OXA1L: variants seen among roughly 807,000 people sequenced by gnomAD.
OXA1L encodes the protein OXA1L mitochondrial inner membrane insertase, also known as mitochondrial inner membrane protein OXA1L.
A neutral mutation model predicts 52.2 loss-of-function variants in OXA1L; 42 were observed. The observed-to-expected ratio is 0.80, with a 90% CI of 0.63 to 1.04. The LOEUF is 1.04. Ranked by LOEUF, OXA1L falls within the 50% of genes least tolerant of loss-of-function variation. OXA1L has a pLI of 0.00. For missense variants in OXA1L, 572 were observed against 555.0 expected (o/e 1.03, Z -0.31); for synonymous variants, 239 against 201.9 (o/e 1.18, Z -1.56).
In OXA1L at chr14:22,768,036, G is replaced by C. The variant is rs187639757; in HGVS notation, c.304G>C (p.Val102Leu). The C allele has an allele frequency of 1.2e-6, 2 of 1,614,238 alleles. No homozygotes were observed. The highest frequency in any genetic ancestry group is 1.7e-6 in the Non-Finnish European group (2 of 1,180,028). Residue 102 changes from valine to leucine, a missense_variant, in exon 3 of 10, where the codon GTA (valine) becomes CTA (leucine). Physicochemically the swap from Val to Leu is conservative, Grantham distance 32. Coordinates refer to ENST00000612549, the MANE Select transcript of OXA1L (RefSeq NM_005015.5). ...GGTGGCTTCTGGAGAGACTGCAGAT[G>C]TAGTCCAAACTGCTGCAGAGCAGAG... ...PEVASGETAD[V>L]VQTAAEQSFA...
In OXA1L at chr14:22,770,482, T is replaced by G. The variant is rs1017732690; in HGVS notation, c.691T>G (p.Phe231Val). 3 of 1,614,022 alleles carry G rather than the reference T, an allele frequency of 1.9e-6. No individual in the cohort carries two copies. The highest frequency in any genetic ancestry group is 1.6e-4 in the Middle Eastern group (1 of 6,062). ...ATAGGCCCCAATCTTCATCTCCTTC[T>G]TCATTGCTTTGAGAGAGATGGCCAA... ...VTQAPIFISF[F>V]IALREMANLP... is the part of the protein sequence containing the mutation. Residue 231 changes from phenylalanine to valine, a missense_variant, in exon 6 of 10, where the codon TTC becomes GTC. Physicochemically the swap from Phe to Val is conservative, Grantham distance 50. Around this residue, in one of 5 missense-constraint regions of OXA1L, gnomAD observed 132 missense variants for 124.0 expected, o/e 1.06. Coordinates refer to ENST00000612549, the MANE Select transcript of OXA1L (RefSeq NM_005015.5).
At chr14:22,768,297 A>G (rs554964609) in intron 3 of OXA1L, 126 bp downstream of exon 3, 5 of 702,860 alleles carry the variant, frequency 7.1e-6, no homozygotes, top group African/African-American at 5.2e-5. Context: ...CAAATGAGCA[A>G]TAGAGGTTCA....
Position 22,766,724 on chromosome 14 carries a change from G to C in OXA1L, c.23G>C (p.Gly8Ala). Residue 8 changes from glycine (G) to alanine (A), a missense_variant, in exon 1 of 10, where the codon GGA becomes GCA. Gly to Ala is a moderately conservative substitution (Grantham distance 60). Around this residue, in one of 5 missense-constraint regions of OXA1L, gnomAD observed 186 missense variants for 151.8 expected, o/e 1.23. Transcript: ENST00000612549. ...AAAATGGCGATGGGACTAATGTGCGGACGCCGGGAGCTTCTGCGCTTGCTA... is the reference window on the plus strand; with the variant it reads ...AAAATGGCGATGGGACTAATGTGCGCACGCCGGGAGCTTCTGCGCTTGCTA... MAMGLMC[G>A]RRELLRLLQS... 1 of 1,614,262 alleles carries C rather than the reference G, an allele frequency of 6.2e-7. No individual in the cohort carries two copies. Among genetic ancestry groups the C allele is most frequent in the South Asian group, 1.1e-5 (1 of 91,090 alleles).
intron 1 of OXA1L, 33 bp downstream of exon 1, chr14:22,766,797 C>G (rs962847522): frequency 1.2e-6 from 2 of 1,612,436 alleles, no homozygotes; most frequent in African/African-American, 1.3e-5. Context: ...CACCGGGATG[C>G]TGCCCTGACC....
rs1432798311 is a variant in OXA1L at position 22,771,121 on chromosome 14, T to C, written c.1043T>C (p.Val348Ala). The stretch of plus-strand genomic sequence containing the variant: ...ACTGTACTTAAAATCCCCCAGCGTG[T>C]TGTACATGACCTGGACAAATTACCT... ...VRTVLKIPQR[V>A]VHDLDKLPPR... The change falls in exon 8 of 10, where the codon GTT (valine) becomes GCT (alanine). Residue 348 changes from valine (V) to alanine (A), a missense_variant. Transcript: ENST00000612549. 6.2e-6 allele frequency: 10 copies of C among 1,614,028 alleles called. No homozygotes were observed. The highest frequency in any genetic ancestry group is 8.5e-6 in the Non-Finnish European group (10 of 1,180,010).
At chr14:22,766,912 A>AG (rs1458481762) in intron 1 of OXA1L, 148 bp downstream of exon 1, 2 of 1,514,890 alleles carry the variant, frequency 1.3e-6, no homozygotes, top group East Asian at 4.8e-5. Context: ...AGGACGCGCT[A>AG]GGGTTAGTCC....
rs769868652 is a variant in OXA1L at position 22,768,053 on chromosome 14, A to G, written c.321A>G (p.Ala107=). ...GETADVVQTA[A]EQSFAELGLG... is the part of the protein sequence containing the mutation. ...CTGCAGATGTAGTCCAAACTGCTGC[A>G]GAGCAGAGCTTCGCTGAACTGGGGC... Residue 107 remains alanine (A), a synonymous_variant, in exon 3 of 10, where the codon GCA becomes GCG. Coordinates refer to ENST00000612549, the MANE Select transcript of OXA1L (RefSeq NM_005015.5). The G allele has an allele frequency of 9.3e-6, 15 of 1,614,098 alleles. No homozygotes were observed. Among genetic ancestry groups the G allele is most frequent in the African/African-American group, 2.7e-5 (2 of 74,956 alleles).
Position 22,771,605 on chromosome 14 carries a change from C to T in OXA1L, c.*47C>T. 6.2e-7 allele frequency: 1 copy of T among 1,603,586 alleles called. No individual in the cohort carries two copies. The highest frequency in any genetic ancestry group is 1.1e-5 in the South Asian group (1 of 90,702). ...GGCAGGAATTCTGTCTCTTCAGAGA[C>T]TCATCCTCAAAACAAGACTTGACAC... On this transcript the variant is annotated 3_prime_UTR_variant, in exon 10 of 10. Transcript: ENST00000612549.
chr14:22,766,943 G>T, intron 1 of OXA1L, 179 bp downstream of exon 1: 1 of 1,515,296 alleles, frequency 6.6e-7, no homozygotes, highest in Non-Finnish European at 8.8e-7. Context: ...GGGCCCAGCA[G>T]CCCGGTGTCA....
chr14:22,766,811 T>G, intron 1 of OXA1L, 47 bp downstream of exon 1: 1 of 1,610,892 alleles, frequency 6.2e-7, no homozygotes, highest in Non-Finnish European at 8.5e-7. Flanking sequence ...CCTGACCCAG[T>G]GAACCAGGCC....
rs143046719 is a variant in OXA1L, at chr14:22,771,029, G to T, written c.951G>T (p.Met317Ile). Residue 317 changes from methionine to isoleucine, a missense_variant, in exon 8 of 10, where the codon ATG (methionine) becomes ATT (isoleucine). Transcript: ENST00000612549. ...ITMHFPTAVF[M>I]YWLSSNLFSL... The stretch of plus-strand genomic sequence containing the variant: ...GTGTTCTCACCCAGGCAGTGTTTAT[G>T]TACTGGCTCTCCTCCAATTTGTTTT... 4,787 of 1,614,190 alleles carry T rather than the reference G, an allele frequency of 3.0e-3. 17 individuals carry two copies. The highest frequency in any genetic ancestry group is 3.2e-3 in the Non-Finnish European group (3,734 of 1,180,012).
chr14:22,771,546 C>A lies in OXA1L; in HGVS notation c.1296C>A (p.Asp432Glu). 1 of 1,614,218 alleles carries A rather than the reference C, an allele frequency of 6.2e-7. No homozygotes were observed. The highest frequency in any genetic ancestry group is 8.5e-7 in the Non-Finnish European group (1 of 1,180,030). The change falls in exon 10 of 10, where the codon GAC becomes GAA. Residue 432 changes from aspartate (D) to glutamate (E), a missense_variant. Physicochemically the swap from Asp to Glu is conservative, Grantham distance 45. Transcript: ENST00000612549. Reference protein sequence around the residue: ...SKPKSKYPWHDTLG With the variant: ...SKPKSKYPWHETLG ...CAAAGTCAAAGTATCCCTGGCACGA[C>A]ACACTTGGCTGACTTATGTTCTGTG... is the stretch of plus-strand genomic sequence containing the variant.
At chr14:22,770,430 G>C in intron 5 of OXA1L, 31 bp from the exon 6 acceptor site, 2 of 1,606,746 alleles carry the variant, frequency 1.2e-6, no homozygotes, top group Non-Finnish European at 1.7e-6. Context: ...CTCTGGTAAA[G>C]CATGCTGACA....
rs781506487 is a variant in OXA1L at position 22,771,478 on chromosome 14, G to T, written c.1228G>T (p.Gly410Ter). The T allele has an allele frequency of 6.2e-7, 1 of 1,613,458 alleles. No homozygotes were observed. Among genetic ancestry groups the T allele is most frequent in the Admixed American group, 1.7e-5 (1 of 59,860 alleles). The change falls in exon 10 of 10, where the codon GGA becomes TGA. Residue 410 changes from glycine to a stop codon, truncating the protein, a stop_gained. Transcript: ENST00000612549. LOFTEE classifies it high-confidence loss of function. ...TFTHNPLLQP[G>*]KDNPPNIPSS... ...TACCCACAACCCTCTCCTACAACCT[G>T]GAAAGGATAACCCTCCCAATATCCC...
At chr14:22,771,236 T>C (rs772772177) in intron 8 of OXA1L, 32 bp from the exon 9 acceptor site, 2 of 1,613,078 alleles carry the variant, frequency 1.2e-6, no homozygotes, top group Non-Finnish European at 1.7e-6. Context: ...AAAATAGGAA[T>C]GCAACTGACT....
At chr14:22,767,497 G>A in intron 2 of OXA1L, 88 bp downstream of exon 2, 1 of 1,177,262 alleles carries the variant, frequency 8.5e-7, no homozygotes, top group Non-Finnish European at 1.2e-6. Context: ...GGGGGAATAT[G>A]GAGCAGAGTT....
At position 22,772,468 on chromosome 14, in the gene OXA1L, AAG is replaced by A. The variant is rs1375473454; in HGVS notation, c.*915_*916del. Reference sequence around the variant, plus strand: ...TGCGCCACTGCACTCCAGCCTGGGCAAGAGAGTGAGACTCCTTCTCAAAAAAA... The same window carrying A: ...TGCGCCACTGCACTCCAGCCTGGGCAAGAGTGAGACTCCTTCTCAAAAAAA... On this transcript the variant is annotated 3_prime_UTR_variant, in exon 10 of 10. Coordinates refer to ENST00000612549, the MANE Select transcript of OXA1L (RefSeq NM_005015.5). The A allele has an allele frequency of 7.7e-6, 1 of 129,222 alleles. No individual in the cohort carries two copies. Among genetic ancestry groups the A allele is most frequent in the East Asian group, 2.5e-4 (1 of 3,972 alleles). 8.0% of individuals were successfully genotyped at this position (129,222 alleles called of 1,614,324 possible).
Position 22,767,966 on chromosome 14 carries a change from C to T in OXA1L, c.234C>T (p.Ala78=), listed in dbSNP as rs368813040. ...GGCTTTCTTTCACACAGGTTCAGGC[C>T]CCTCCTGTTGTTGCTGCAACTCCCT... ...AISFAEVQVQ[A]PPVVAATPSP... is the part of the protein sequence containing the mutation. Residue 78 remains alanine (A), a synonymous_variant, in exon 3 of 10, where the codon GCC becomes GCT. Transcript: ENST00000612549. 5.0e-6 allele frequency: 8 copies of T among 1,611,408 alleles called. No individual in the cohort carries two copies. Among genetic ancestry groups the T allele is most frequent in the Non-Finnish European group, 6.8e-6 (8 of 1,177,850 alleles).
At chr14:22,769,197 C>T (rs889801149) in intron 3 of OXA1L, among the ~76,000 whole-genome samples, 2 of 152,144 alleles carry the variant, frequency 1.3e-5, no homozygotes, top group African/African-American at 4.8e-5. Context: ...TAACTATTCC[C>T]AACCCTGACT....
Sources: gnomAD v4.1 joint callset for allele counts (sites outside exome capture counted in the v4.1 genomes callset) on GRCh38, gnomAD v4.1.1 for gene constraint, gnomAD v4.1.1 regional missense constraint, MANE v1.5 for transcripts, NCBI Gene and HGNC (gene_info 2026-07-23, HGNC 2026-07-21) for gene names.